The following VAMP4 variants were observed in gnomAD, a reference collection of about 807,000 sequenced individuals.
The protein encoded by VAMP4 is vesicle associated membrane protein 4, also known as vesicle-associated membrane protein 4.
In VAMP4, 19 loss-of-function variants were observed where a neutral mutation model predicts 23.5. The observed-to-expected ratio is 0.81, with a 90% CI of 0.56 to 1.19. The LOEUF (loss-of-function observed/expected upper bound fraction) is 1.19. Among genes scored for constraint, VAMP4 ranks in the 50% most tolerant of loss-of-function variants. The pLI is 0.00. For synonymous variants in VAMP4, 31 were observed against 51.0 expected (o/e 0.61, Z 1.67); for missense variants, 145 against 168.6 (o/e 0.86, Z 0.78).
chr1:171,731,059 A>AG lies in VAMP4; in HGVS notation c.67-2490_67-2489insC, dbSNP rs1655547868. 6.6e-5 allele frequency among the ~76,000 whole-genome samples: 10 copies of AG among 151,994 alleles called. 1 individual carries two copies. Among genetic ancestry groups the AG allele is most frequent in the Admixed American group, 2.0e-4 (3 of 15,266 alleles). On this transcript the variant is annotated intron_variant, in intron 2 of 7. Transcript: ENST00000236192. The stretch of plus-strand genomic sequence containing the variant: ...CTCTACTAAAAATACAAAAAAACAA[A>AG]AAAAGAAGAAGAAGAAGGATGTATT...
intron 3 of VAMP4, among the ~76,000 whole-genome samples, chr1:171,726,068 G>C (rs572192671): frequency 2.0e-5 from 3 of 151,118 alleles, no homozygotes; most frequent in South Asian, 4.2e-4. Flanking sequence ...TTTTTTTTGG[G>C]GGGGGCGAAG....
intron 3 of VAMP4, among the ~76,000 whole-genome samples, chr1:171,727,784 A>C (rs1193153849): frequency 6.6e-6 from 1 of 152,212 alleles, no homozygotes; most frequent in Non-Finnish European, 1.5e-5. Flanking sequence ...AACTATTAAC[A>C]CATGGATGAA....
chr1:171,723,825 T>G (rs553373741), intron 3 of VAMP4, among the ~76,000 whole-genome samples: 2 of 152,306 alleles, frequency 1.3e-5, no homozygotes, highest in East Asian at 1.9e-4. Context: ...CCATGAAATC[T>G]TCACAATTTA....
At chr1:171,735,296 G>A (rs1655704653) in intron 2 of VAMP4, among the ~76,000 whole-genome samples, 1 of 152,122 alleles carries the variant, frequency 6.6e-6, no homozygotes, top group Non-Finnish European at 1.5e-5. Flanking sequence ...AAATTAATGG[G>A]ATTTGCATCA....
In VAMP4 at chr1:171,728,583, G is replaced by T. The variant is rs1362613170; in HGVS notation, c.67-13C>A. On this transcript the variant is annotated splice_polypyrimidine_tract_variant and intron_variant, in intron 2 of 7. Coordinates refer to ENST00000236192, the MANE Select transcript of VAMP4 (RefSeq NM_003762.5). ...CCAAAAGATTTCTCTGTCAAAAAAA[G>T]AAAAAGACTTGAGTTTTCAGATTCA... 1 of 1,558,462 alleles carries T rather than the reference G, an allele frequency of 6.4e-7. No homozygotes were observed. The highest frequency in any genetic ancestry group is 8.7e-7 in the Non-Finnish European group (1 of 1,154,146).
chr1:171,729,000 A>T (rs1341632565), intron 2 of VAMP4, among the ~76,000 whole-genome samples: 1 of 152,202 alleles, frequency 6.6e-6, no homozygotes, highest in Non-Finnish European at 1.5e-5. Flanking sequence ...GGAGCTGAGG[A>T]CAAGGGCTTA....
intron 3 of VAMP4, among the ~76,000 whole-genome samples, chr1:171,726,028 A>G (rs1406652058): frequency 6.6e-6 from 1 of 150,418 alleles, no homozygotes; most frequent in Non-Finnish European, 1.5e-5. Flanking sequence ...CACTTGGAAA[A>G]AAACCCAGCC....
intron 4 of VAMP4, among the ~76,000 whole-genome samples, chr1:171,711,303 A>G (rs563681784): frequency 1.3e-5 from 2 of 152,102 alleles, no homozygotes; most frequent in Non-Finnish European, 2.9e-5. Flanking sequence ...AAACATACCT[A>G]GTTTCCAAAA....
chr1:171,738,386 T>C lies in VAMP4; in HGVS notation c.29A>G (p.Asn10Ser), dbSNP rs766286990. The C allele has an allele frequency of 8.1e-6, 13 of 1,614,102 alleles. No homozygotes were observed. The highest frequency in any genetic ancestry group is 1.1e-5 in the Non-Finnish European group (13 of 1,179,954). Residue 10 changes from asparagine to serine, a missense_variant, in exon 2 of 8, where the codon AAT becomes AGT. Coordinates refer to ENST00000236192, the MANE Select transcript of VAMP4 (RefSeq NM_003762.5). Reference sequence around the variant, plus strand: ...CACAGAACCTGTGACATCATCATCATTGAGGTGGCGCTTAAACTTGGGAGG... The same window carrying C: ...CACAGAACCTGTGACATCATCATCACTGAGGTGGCGCTTAAACTTGGGAGG... The part of the protein sequence containing the change: MPPKFKRHL[N>S]DDDVTGSVKS...
intron 2 of VAMP4, among the ~76,000 whole-genome samples, chr1:171,729,972 G>A (rs1301733413): frequency 1.3e-5 from 2 of 152,132 alleles, no homozygotes; most frequent in Admixed American, 6.5e-5. Context: ...GAGACAGACA[G>A]ACAGAGACAG....
chr1:171,720,840 A>G (rs1655170790), intron 3 of VAMP4, among the ~76,000 whole-genome samples: 1 of 152,214 alleles, frequency 6.6e-6, no homozygotes, highest in East Asian at 1.9e-4. Flanking sequence ...AAAACCAGAT[A>G]AAGACACAAC....
At chr1:171,713,858 A>G (rs1374366351) in intron 4 of VAMP4, among the ~76,000 whole-genome samples, 2 of 152,128 alleles carry the variant, frequency 1.3e-5, no homozygotes, top group African/African-American at 4.8e-5. Flanking sequence ...CTTTAAGGAT[A>G]AGATTCCATG....
chr1:171,726,460 G>A (rs1159339234), intron 3 of VAMP4, among the ~76,000 whole-genome samples: 1 of 152,118 alleles, frequency 6.6e-6, no homozygotes, highest in African/African-American at 2.4e-5. Context: ...TTCCTGACTT[G>A]CCAAATATAA....
At chr1:171,707,922 G>C (rs2124838009) in intron 6 of VAMP4, among the ~76,000 whole-genome samples, 1 of 152,236 alleles carries the variant, frequency 6.6e-6, no homozygotes, top group East Asian at 1.9e-4. Flanking sequence ...TAGGGTACAT[G>C]AGTTTGGGAG....
intron 6 of VAMP4, among the ~76,000 whole-genome samples, chr1:171,709,364 G>GA (rs1194713187): frequency 2.0e-5 from 3 of 151,950 alleles, no homozygotes; most frequent in Admixed American, 6.6e-5. Context: ...TAAATTTCAA[G>GA]AAAAAATGTA....
chr1:171,728,596 G>C, intron 2 of VAMP4, 26 bp from the exon 3 acceptor site: 1 of 1,555,320 alleles, frequency 6.4e-7, no homozygotes, highest in Non-Finnish European at 8.7e-7. Flanking sequence ...AAAGACTTGA[G>C]TTTTCAGATT....
rs1328830521 is a variant in VAMP4, at chr1:171,739,161, C to G, written c.-49-698G>C. On this transcript the variant is annotated intron_variant, in intron 1 of 7. Coordinates refer to ENST00000236192, the MANE Select transcript of VAMP4 (RefSeq NM_003762.5). Reference sequence around the variant, plus strand: ...CAGATGGAGGCTGGTCACAGAAAAACCTAGGCATGATTAGAAGACTGGGAC... The same window carrying G: ...CAGATGGAGGCTGGTCACAGAAAAAGCTAGGCATGATTAGAAGACTGGGAC... 2.0e-5 allele frequency among the ~76,000 whole-genome samples: 3 copies of G among 152,258 alleles called. No homozygotes were observed. The East Asian group carries it at 5.8e-4, about 29-fold the overall frequency.
intron 2 of VAMP4, among the ~76,000 whole-genome samples, chr1:171,731,610 A>G (rs1230270329): frequency 6.6e-6 from 1 of 152,222 alleles, no homozygotes; most frequent in Non-Finnish European, 1.5e-5. Context: ...TCATTGCTGC[A>G]GGACTAGATG....
intron 3 of VAMP4, among the ~76,000 whole-genome samples, chr1:171,726,959 CA>C (rs1361757279): frequency 1.3e-5 from 2 of 152,084 alleles, no homozygotes; most frequent in African/African-American, 4.8e-5. Context: ...TGGCCAGGCA[CA>C]GTGGCTCATC....
Sources: gnomAD v4.1 joint callset for allele counts (sites outside exome capture counted in the v4.1 genomes callset) on GRCh38, gnomAD v4.1.1 for gene constraint, MANE v1.5 for transcripts, NCBI Gene and HGNC (gene_info 2026-07-23, HGNC 2026-07-21) for gene names.